Variants in GPHN observed in about 807,000 individuals in gnomAD.
The protein encoded by GPHN is gephyrin.
Under a neutral mutation model 95.5 loss-of-function variants are expected in GPHN, and 17 were observed. The ratio of observed to expected loss-of-function variants is 0.18; its 90% CI spans 0.12 to 0.27. The LOEUF (loss-of-function observed/expected upper bound fraction) is 0.27, where lower values mean the gene tolerates loss of function less well. Among genes scored for constraint, GPHN ranks in the 10% least tolerant of loss-of-function variants. GPHN has a pLI of 1.00. For missense variants in GPHN, 660 were observed against 978.1 expected, an observed-to-expected ratio of 0.67 and a Z score of 4.34; for synonymous variants, 320 against 322.5, an observed-to-expected ratio of 0.99 and a Z score of 0.08.
At position 67,028,029 on chromosome 14, in the gene GPHN, C is replaced by T. The variant is rs556561198; in HGVS notation, c.1006+4354C>T. Among the ~76,000 whole-genome samples the T allele has an allele frequency of 4.6e-5, 7 of 152,112 alleles. No homozygotes were observed. In the South Asian group the frequency reaches 1.5e-3, roughly 32 times the overall value. ...CCTTTTAGCCAACTTTTCTTTATCC[C>T]CCACACCATCCTTCCCAGCCTCTGA... On this transcript the variant is annotated intron_variant, in intron 10 of 22. Coordinates refer to ENST00000478722, the MANE Select transcript of GPHN (RefSeq NM_020806.5).
intron 5 of GPHN, among the ~76,000 whole-genome samples, chr14:66,893,841 T>C (rs960683524): frequency 5.9e-5 from 9 of 152,098 alleles, no homozygotes. Context: ...GAACTACAAA[T>C]TACTGCTCAA....
At chr14:66,909,823 T>C (rs988248616) in intron 5 of GPHN, among the ~76,000 whole-genome samples, 5 of 151,968 alleles carry the variant, frequency 3.3e-5, no homozygotes, top group African/African-American at 1.2e-4. Flanking sequence ...CTCCCATGAT[T>C]ACTACATGGG....
chr14:66,526,322 C>T (rs956680098), intron 1 of GPHN, among the ~76,000 whole-genome samples: 1 of 152,150 alleles, frequency 6.6e-6, no homozygotes. Flanking sequence ...GATTTTTGCA[C>T]ATTGATTTTG....
chr14:67,439,125 A>G, the GPHN span, among the ~76,000 whole-genome samples: 3 of 152,148 alleles, frequency 2.0e-5, no homozygotes, highest in Non-Finnish European at 2.9e-5. Flanking sequence ...TCCAAAGCAC[A>G]CTGGATATTG....
At chr14:66,972,242 G>A (rs1368085991) in intron 9 of GPHN, among the ~76,000 whole-genome samples, 4 of 147,270 alleles carry the variant, frequency 2.7e-5, no homozygotes, top group African/African-American at 7.6e-5. Context: ...CACTCCAGCC[G>A]GGGCAAAAGA....
At chr14:67,124,096 G>A (rs2079160987) in intron 17 of GPHN, among the ~76,000 whole-genome samples, 1 of 151,856 alleles carries the variant, frequency 6.6e-6, no homozygotes, top group African/African-American at 2.4e-5. Context: ...ATTTGTATTT[G>A]CATGGATGTT....
At chr14:67,041,614 T>C (rs1486446298) in intron 10 of GPHN, among the ~76,000 whole-genome samples, 1 of 152,206 alleles carries the variant, frequency 6.6e-6, no homozygotes, top group Non-Finnish European at 1.5e-5. Flanking sequence ...ATCCAGTGTA[T>C]CATTGATGGA....
At chr14:66,988,208 C>A (rs926256308) in intron 9 of GPHN, among the ~76,000 whole-genome samples, 2 of 152,044 alleles carry the variant, frequency 1.3e-5, no homozygotes, top group African/African-American at 4.8e-5. Context: ...TAAAGCCACA[C>A]TGACTAACAT....
In GPHN at chr14:66,775,014, C is replaced by CT. The variant is rs538751816; in HGVS notation, c.144-1440dup. Among the ~76,000 whole-genome samples the CT allele has an allele frequency of 3.3e-3, 494 of 149,374 alleles. 3 individuals are homozygous for CT. The highest frequency in any genetic ancestry group is 4.2e-3 in the Non-Finnish European group (285 of 67,068). On this transcript the variant is annotated intron_variant, in intron 2 of 22. Coordinates refer to ENST00000478722, the MANE Select transcript of GPHN (RefSeq NM_020806.5). Reference sequence around the variant, plus strand: ...ATTGTGAGATTAAAACCTATACGTTCTTTTTTTTTTCTTTCCAACTTTTAT... The same window carrying CT: ...ATTGTGAGATTAAAACCTATACGTTCTTTTTTTTTTTCTTTCCAACTTTTAT...
the GPHN span, chr14:67,616,676 T>C: frequency 6.9e-6 from 1 of 144,740 alleles, no homozygotes; most frequent in Non-Finnish European, 1.5e-5. Context: ...GGATCAGGAG[T>C]GTTTCAGATT....
the GPHN span, chr14:67,343,369 C>T: frequency 6.2e-7 from 1 of 1,609,122 alleles, no homozygotes; most frequent in Non-Finnish European, 8.5e-7. Flanking sequence ...ACCTAATACT[C>T]ACCATGTTCA....
At chr14:66,711,468 T>C (rs1212108489) in intron 2 of GPHN, among the ~76,000 whole-genome samples, 2 of 152,126 alleles carry the variant, frequency 1.3e-5, no homozygotes, top group African/African-American at 4.8e-5. Flanking sequence ...CGTTCCATGA[T>C]TTTGCAGTTG....
chr14:67,239,554 TA>T, the GPHN span, among the ~76,000 whole-genome samples: 1,839 of 152,310 alleles, frequency 0.012, 19 homozygotes, highest in Non-Finnish European at 0.018. Context: ...TTATTTATGT[TA>T]TATATTTAAG....
At chr14:67,015,128 A>G (rs1322881582) in intron 9 of GPHN, among the ~76,000 whole-genome samples, 1 of 152,246 alleles carries the variant, frequency 6.6e-6, no homozygotes, top group Non-Finnish European at 1.5e-5. Flanking sequence ...ATAAAGAAGC[A>G]TAAACAAGCT....
chr14:67,193,616 G>T, the GPHN span, among the ~76,000 whole-genome samples: 1 of 144,918 alleles, frequency 6.9e-6, no homozygotes, highest in African/African-American at 2.5e-5. Flanking sequence ...TATATAGATA[G>T]AAATATATCT....
chr14:66,815,808 A>C (rs936589454), intron 3 of GPHN, among the ~76,000 whole-genome samples: 2 of 152,212 alleles, frequency 1.3e-5, no homozygotes, highest in Non-Finnish European at 2.9e-5. Context: ...ACACATATCA[A>C]TACTAACCTT....
At chr14:67,156,991 A>AT (rs1478215927) in intron 18 of GPHN, among the ~76,000 whole-genome samples, 3 of 151,980 alleles carry the variant, frequency 2.0e-5, no homozygotes, top group Non-Finnish European at 4.4e-5. Context: ...AAAAAGAAAA[A>AT]TTATACTAAA....
At chr14:67,659,880 A>G in the GPHN span, 1 of 1,614,178 alleles carries the variant, frequency 6.2e-7, no homozygotes, top group Non-Finnish European at 8.5e-7. Context: ...GGGTTTCGGA[A>G]AGACAGGGGT....
intron 5 of GPHN, among the ~76,000 whole-genome samples, chr14:66,905,222 G>C (rs570459298): frequency 6.6e-6 from 1 of 151,924 alleles, no homozygotes; most frequent in African/African-American, 2.4e-5. Context: ...AGCTTCTAAC[G>C]AACTTTTCAG....
Sources: allele counts gnomAD v4.1 joint callset (sites outside exome capture counted in the v4.1 genomes callset), GRCh38; gene constraint gnomAD v4.1.1; transcripts MANE v1.5; gene names NCBI Gene and HGNC (gene_info 2026-07-23, HGNC 2026-07-21).